CACNA2D1: variants seen among roughly 807,000 people sequenced by gnomAD.
The protein encoded by CACNA2D1 is voltage-dependent calcium channel subunit alpha-2/delta-1.
CACNA2D1 carries 53 observed loss-of-function variants against 171.5 expected under a neutral mutation model. The ratio of observed to expected loss-of-function variants is 0.31; its 90% CI spans 0.25 to 0.39. The LOEUF (loss-of-function observed/expected upper bound fraction) is 0.39, where lower values mean the gene tolerates loss of function less well. Ranked by LOEUF, CACNA2D1 falls within the 10% of genes least tolerant of loss-of-function variation. The pLI is 1.00. For synonymous variants in CACNA2D1, 442 were observed against 443.1 expected, an observed-to-expected ratio of 1.00 and a Z score of 0.03; for missense variants, 903 against 1,299.8, an observed-to-expected ratio of 0.69 and a Z score of 4.69.
At chr7:82,186,343 C>A (rs895621020) in intron 3 of CACNA2D1, among the ~76,000 whole-genome samples, 11 of 152,134 alleles carry the variant, frequency 7.2e-5, no homozygotes, top group African/African-American at 2.7e-4. Flanking sequence ...TGAGTGAAAC[C>A]TCTTAAATAC....
chr7:82,384,827 A>T (rs1824144977), intron 1 of CACNA2D1, among the ~76,000 whole-genome samples: 1 of 152,206 alleles, frequency 6.6e-6, no homozygotes, highest in Non-Finnish European at 1.5e-5. Flanking sequence ...CAAAAAATAT[A>T]TCTCACTGCC....
At chr7:82,272,010 T>C (rs1401918745) in intron 3 of CACNA2D1, among the ~76,000 whole-genome samples, 1 of 151,682 alleles carries the variant, frequency 6.6e-6, no homozygotes, top group East Asian at 1.9e-4. Flanking sequence ...AATCTAAACA[T>C]TACTAAAAAA....
chr7:82,423,202 C>T (rs866949257), intron 1 of CACNA2D1, among the ~76,000 whole-genome samples: 1 of 151,954 alleles, frequency 6.6e-6, no homozygotes, highest in Non-Finnish European at 1.5e-5. Context: ...ATATTTTAAA[C>T]AGATATATAT....
intron 1 of CACNA2D1, among the ~76,000 whole-genome samples, chr7:82,373,197 A>G (rs1423143071): frequency 1.3e-5 from 2 of 152,138 alleles, no homozygotes; most frequent in Non-Finnish European, 2.9e-5. Context: ...AAAAAAATTG[A>G]GTATTGAACA....
intron 6 of CACNA2D1, among the ~76,000 whole-genome samples, chr7:82,102,625 C>A (rs1221683804): frequency 6.6e-6 from 1 of 152,068 alleles, no homozygotes; most frequent in Non-Finnish European, 1.5e-5. Context: ...GTGGGGCAGT[C>A]TGCAGTATGT....
chr7:82,387,511 T>C (rs1427309337), intron 1 of CACNA2D1, among the ~76,000 whole-genome samples: 4 of 152,198 alleles, frequency 2.6e-5, no homozygotes, highest in Non-Finnish European at 5.9e-5. Context: ...AATTCACAAA[T>C]GTTTAATCAT....
intron 7 of CACNA2D1, among the ~76,000 whole-genome samples, chr7:82,068,493 A>G (rs987631016): frequency 1.3e-5 from 2 of 152,092 alleles, no homozygotes; most frequent in Non-Finnish European, 2.9e-5. Context: ...ACATTATATA[A>G]TATTATATCG....
chr7:82,216,814 A>T (rs554395378), intron 3 of CACNA2D1, among the ~76,000 whole-genome samples: 50 of 151,656 alleles, frequency 3.3e-4, no homozygotes, highest in Non-Finnish European at 4.7e-4. Context: ...TTTTTTTTTA[A>T]AAAAAGTAAA....
At chr7:81,983,170 T>G in intron 23 of CACNA2D1, 144 bp downstream of exon 23, 1 of 695,638 alleles carries the variant, frequency 1.4e-6, no homozygotes, top group Non-Finnish European at 2.5e-6. Flanking sequence ...TCTACCATTT[T>G]TTTGCTGCTA....
intron 31 of CACNA2D1, 39 bp downstream of exon 31, chr7:81,967,130 A>T (rs1463115514): frequency 6.6e-7 from 1 of 1,504,764 alleles, no homozygotes; most frequent in Non-Finnish European, 9.2e-7. Context: ...AACACAAGGA[A>T]ATATTGTACT....
chr7:81,996,200 A>G (rs139979468), intron 19 of CACNA2D1, among the ~76,000 whole-genome samples: 1 of 152,078 alleles, frequency 6.6e-6, no homozygotes, highest in Non-Finnish European at 1.5e-5. Context: ...TGAGGCTTGC[A>G]GAATCTAAGA....
At chr7:82,034,965 G>T (rs1803125423) in intron 11 of CACNA2D1, among the ~76,000 whole-genome samples, 1 of 151,988 alleles carries the variant, frequency 6.6e-6, no homozygotes, top group South Asian at 2.1e-4. Context: ...CAGGACTTGT[G>T]GTGGAGCCAA....
intron 7 of CACNA2D1, among the ~76,000 whole-genome samples, chr7:82,071,407 G>GT (rs768452357): frequency 3.9e-5 from 6 of 152,158 alleles, no homozygotes; most frequent in Non-Finnish European, 7.3e-5. Context: ...GCAGATGGGA[G>GT]TTTTTATCGT....
intron 3 of CACNA2D1, among the ~76,000 whole-genome samples, chr7:82,248,500 G>A (rs1805200912): frequency 6.6e-6 from 1 of 152,166 alleles, no homozygotes; most frequent in South Asian, 2.1e-4. Context: ...ATATGAAAGA[G>A]AATATTAAAA....
At chr7:82,262,102 C>T (rs1008936008) in intron 3 of CACNA2D1, among the ~76,000 whole-genome samples, 3 of 152,184 alleles carry the variant, frequency 2.0e-5, no homozygotes, top group South Asian at 2.1e-4. Context: ...GAGGCCGAGG[C>T]GGGCAGATCA....
intron 25 of CACNA2D1, among the ~76,000 whole-genome samples, chr7:81,972,655 A>G (rs936291406): frequency 6.6e-6 from 1 of 151,942 alleles, no homozygotes; most frequent in African/African-American, 2.4e-5. Flanking sequence ...TGTATTCTTA[A>G]ACAAAAACCT....
chr7:82,431,124 G>A (rs1308941437), intron 1 of CACNA2D1, among the ~76,000 whole-genome samples: 2 of 152,128 alleles, frequency 1.3e-5, no homozygotes, highest in South Asian at 2.1e-4. Context: ...ACACTCCACC[G>A]CATCTCTTTC....
intron 1 of CACNA2D1, among the ~76,000 whole-genome samples, chr7:82,379,913 T>C (rs577410082): frequency 1.3e-5 from 2 of 152,286 alleles, no homozygotes; most frequent in South Asian, 4.1e-4. Context: ...TTTACACTAT[T>C]TTCCATTAAA....
At chr7:82,250,296 G>GTCT (rs1402319461) in intron 3 of CACNA2D1, among the ~76,000 whole-genome samples, 1 of 152,168 alleles carries the variant, frequency 6.6e-6, no homozygotes, top group African/African-American at 2.4e-5. Context: ...GGGCAAAACT[G>GTCT]TCTCTACTGC....
Sources: gnomAD v4.1 joint callset for allele counts (sites outside exome capture counted in the v4.1 genomes callset) on GRCh38, gnomAD v4.1.1 for gene constraint, MANE v1.5 for transcripts, NCBI Gene and HGNC (gene_info 2026-07-23, HGNC 2026-07-21) for gene names.